Variants in CDH18 observed in about 807,000 individuals in gnomAD.
The protein encoded by CDH18 is cadherin 18.
CDH18 carries 31 observed loss-of-function variants against 67.9 expected under a neutral mutation model. The observed-to-expected ratio is 0.46, with a 90% confidence interval of 0.34 to 0.62. The LOEUF is 0.62. Ranked by LOEUF, CDH18 falls within the 20% of genes least tolerant of loss-of-function variation. The pLI is 0.01. For missense variants in CDH18, 890 were observed against 975.5 expected (o/e 0.91, Z 1.17); for synonymous variants, 362 against 347.2 (o/e 1.04, Z -0.48).
chr5:20,405,340 G>A (rs993652285), intron 1 of CDH18, among the ~76,000 whole-genome samples: 2 of 152,148 alleles, frequency 1.3e-5, no homozygotes, highest in African/African-American at 2.4e-5. Flanking sequence ...ATGGGGAGAG[G>A]ATTCCCTATT....
chr5:19,779,106 T>C (rs1263689045), intron 3 of CDH18, among the ~76,000 whole-genome samples: 1 of 152,130 alleles, frequency 6.6e-6, no homozygotes, highest in Non-Finnish European at 1.5e-5. Context: ...TATTAATACA[T>C]GAGGTAGATA....
In CDH18 at chr5:19,838,821, C is replaced by T; in HGVS notation, c.166G>A (p.Val56Ile). 2 of 1,613,894 alleles carry T rather than the reference C, an allele frequency of 1.2e-6. No homozygotes were observed. Among genetic ancestry groups the T allele is most frequent in the Non-Finnish European group, 1.7e-6 (2 of 1,179,810 alleles). Reference sequence around the variant, plus strand: ...TCTAAAACAAAGAACTGATTCCATACCCATCCCCTTTTGGGACGATGATGG... The same window carrying T: ...TCTAAAACAAAGAACTGATTCCATATCCATCCCCTTTTGGGACGATGATGG... ...EVHHRPKRGW[V>I]WNQFFVLEEH... Residue 56 changes from valine to isoleucine, a missense_variant, in exon 3 of 13, where the codon GTA (valine) becomes ATA (isoleucine). This residue lies in a region of CDH18 where 234 missense variants were observed against 307.4 expected (regional missense o/e 0.76). Coordinates refer to ENST00000382275, the MANE Select transcript of CDH18 (RefSeq NM_004934.5).
chr5:19,988,879 C>G (rs1342263780), upstream of CDH18, among the ~76,000 whole-genome samples: 1 of 152,124 alleles, frequency 6.6e-6, no homozygotes, highest in African/African-American at 2.4e-5. Flanking sequence ...TTATATCAGA[C>G]AGAGCTTCCC....
intron 3 of CDH18, among the ~76,000 whole-genome samples, chr5:19,751,467 T>A (rs543758424): frequency 1.3e-5 from 2 of 152,212 alleles, no homozygotes; most frequent in African/African-American, 4.8e-5. Context: ...AATTCCACTA[T>A]GATTGATCAT....
At chr5:19,703,022 T>C (rs1480106616) in intron 5 of CDH18, among the ~76,000 whole-genome samples, 2 of 144,732 alleles carry the variant, frequency 1.4e-5, no homozygotes, top group Admixed American at 1.5e-4. Context: ...ACAATGCTCA[T>C]CACTGGCTTG....
chr5:19,669,550 C>CA (rs1277181076), intron 5 of CDH18, among the ~76,000 whole-genome samples: 2 of 152,018 alleles, frequency 1.3e-5, no homozygotes, highest in Non-Finnish European at 2.9e-5. Context: ...CTCGGCCTCC[C>CA]AAAGTGCTGG....
At chr5:19,884,884 G>A (rs553797402) in intron 2 of CDH18, among the ~76,000 whole-genome samples, 1 of 152,080 alleles carries the variant, frequency 6.6e-6, no homozygotes, top group East Asian at 1.9e-4. Context: ...TCAAATAATA[G>A]CATTTATAAA....
At chr5:20,418,367 C>T (rs1249725045) in intron 1 of CDH18, among the ~76,000 whole-genome samples, 1 of 150,746 alleles carries the variant, frequency 6.6e-6, no homozygotes, top group African/African-American at 2.4e-5. Flanking sequence ...AGGCATGAGC[C>T]ACCACGCCCG....
intron 5 of CDH18, among the ~76,000 whole-genome samples, chr5:19,706,972 A>C (rs1040167958): frequency 1.4e-4 from 22 of 152,228 alleles, no homozygotes; most frequent in African/African-American, 5.3e-4. Flanking sequence ...CCAGCTGTAA[A>C]GACAGAAGCA....
chr5:20,266,150 C>T (rs1370518795), intron 1 of CDH18, among the ~76,000 whole-genome samples: 1 of 152,172 alleles, frequency 6.6e-6, no homozygotes, highest in Non-Finnish European at 1.5e-5. Context: ...CAGTCTCCAA[C>T]TTGCCAATGT....
At chr5:20,006,767 G>A (rs1736934877) in intron 2 of CDH18, among the ~76,000 whole-genome samples, 1 of 151,774 alleles carries the variant, frequency 6.6e-6, no homozygotes, top group South Asian at 2.1e-4. Flanking sequence ...TGTTAAATGT[G>A]TTTAATACAT....
chr5:20,157,955 C>T (rs1261779825), intron 2 of CDH18, among the ~76,000 whole-genome samples: 2 of 152,024 alleles, frequency 1.3e-5, no homozygotes, highest in Admixed American at 6.6e-5. Context: ...CTCCTCTTCC[C>T]CTCACCTACT....
chr5:19,916,721 AT>A (rs939471674), intron 2 of CDH18, among the ~76,000 whole-genome samples: 1 of 151,936 alleles, frequency 6.6e-6, no homozygotes. Flanking sequence ...ATTCTTACAA[AT>A]TTTTTTTCTG....
At chr5:19,755,595 T>C (rs999454952) in intron 3 of CDH18, among the ~76,000 whole-genome samples, 1 of 146,640 alleles carries the variant, frequency 6.8e-6, no homozygotes, top group Non-Finnish European at 1.5e-5. Context: ...ATATAAGATA[T>C]ATATAATATA....
chr5:20,192,851 T>C (rs190485330), intron 2 of CDH18, among the ~76,000 whole-genome samples: 3 of 152,292 alleles, frequency 2.0e-5, no homozygotes, highest in East Asian at 1.9e-4. Flanking sequence ...TTTGATTCCA[T>C]ATGAAATTTA....
chr5:19,730,519 A>G (rs914911147), intron 4 of CDH18, among the ~76,000 whole-genome samples: 2 of 152,184 alleles, frequency 1.3e-5, no homozygotes. Flanking sequence ...TACTTTGGGG[A>G]TGGGACCCAA....
chr5:20,414,030 T>A (rs77963840), intron 1 of CDH18, among the ~76,000 whole-genome samples: 11,173 of 152,136 alleles, frequency 0.073, 477 homozygotes, highest in African/African-American at 0.11. Context: ...ATTATTAAAA[T>A]TTCAAAAAAC....
At chr5:19,599,492 G>C (rs1465534283) in intron 6 of CDH18, among the ~76,000 whole-genome samples, 6 of 152,112 alleles carry the variant, frequency 3.9e-5, no homozygotes, top group Non-Finnish European at 8.8e-5. Context: ...TACACTTACA[G>C]TATATATTTT....
At chr5:20,160,331 C>T (rs1350005363) in intron 2 of CDH18, among the ~76,000 whole-genome samples, 1 of 152,150 alleles carries the variant, frequency 6.6e-6, no homozygotes, top group Non-Finnish European at 1.5e-5. Flanking sequence ...AACTTTCTAC[C>T]TAAGACTGAA....
Sources: gnomAD v4.1 joint callset for allele counts (sites outside exome capture counted in the v4.1 genomes callset) on GRCh38, gnomAD v4.1.1 for gene constraint, gnomAD v4.1.1 regional missense constraint, MANE v1.5 for transcripts, NCBI Gene and HGNC (gene_info 2026-07-23, HGNC 2026-07-21) for gene names.